G3BP2: variants seen among roughly 807,000 people sequenced by gnomAD.
G3BP2 encodes the protein ras GTPase-activating protein-binding protein 2.
Under a neutral mutation model 56.7 loss-of-function variants are expected in G3BP2, and 11 were observed. The observed-to-expected ratio is 0.19, with a 90% CI of 0.12 to 0.32. G3BP2 has a LOEUF of 0.32. Among genes scored for constraint, G3BP2 ranks in the 10% least tolerant of loss-of-function variants. G3BP2 has a pLI of 1.00. For synonymous variants in G3BP2, 165 were observed against 191.6 expected (o/e 0.86, Z 1.15); for missense variants, 340 against 610.9 (o/e 0.56, Z 4.67).
At chr4:75,680,628 C>T (rs1734034066) in intron 3 of G3BP2, among the ~76,000 whole-genome samples, 1 of 152,196 alleles carries the variant, frequency 6.6e-6, no homozygotes, top group African/African-American at 2.4e-5. Context: ...TTCCATTTCC[C>T]ACTCTCCTCT....
At chr4:75,657,481 T>A in intron 4 of G3BP2, 76 bp downstream of exon 4, 1 of 1,066,902 alleles carries the variant, frequency 9.4e-7, no homozygotes, top group Admixed American at 2.5e-5. Context: ...AATCTAAACC[T>A]ATTAGAAGAA....
intron 9 of G3BP2, among the ~76,000 whole-genome samples, chr4:75,647,497 T>TC (rs3841978): frequency 0.88 from 133,214 of 152,178 alleles, 58,327 homozygotes; most frequent in East Asian, 0.92. Context: ...GAGGTATAGC[T>TC]TACTAAATAT....
chr4:75,655,927 A>G, intron 5 of G3BP2, 57 bp from the exon 6 acceptor site: 1 of 914,758 alleles, frequency 1.1e-6, no homozygotes, highest in Middle Eastern at 2.2e-4. Flanking sequence ...TTTCTAACGG[A>G]CATATTTTTA....
chr4:75,717,566 T>C (rs997628178), intron 3 of G3BP2, among the ~76,000 whole-genome samples: 1 of 152,184 alleles, frequency 6.6e-6, no homozygotes, highest in African/African-American at 2.4e-5. Flanking sequence ...TACTCTAAAA[T>C]CATAGCTTGC....
chr4:75,673,432 C>T (rs999067666), upstream of G3BP2: 3 of 1,232,264 alleles, frequency 2.4e-6, no homozygotes, highest in African/African-American at 1.5e-5. Context: ...TTTGCCACCG[C>T]CCCCTCTTAT....
chr4:75,706,593 C>T (rs1238544431), intron 3 of G3BP2, among the ~76,000 whole-genome samples: 1 of 149,930 alleles, frequency 6.7e-6, no homozygotes, highest in Non-Finnish European at 1.5e-5. Flanking sequence ...AGTAGAATCG[C>T]TTGAACCTAG....
At chr4:75,712,820 T>C (rs1466563745) in intron 3 of G3BP2, among the ~76,000 whole-genome samples, 2 of 152,036 alleles carry the variant, frequency 1.3e-5, no homozygotes, top group Non-Finnish European at 2.9e-5. Context: ...GACCATTCCA[T>C]AAAGAGTTCT....
chr4:75,655,385 A>G, intron 6 of G3BP2, 139 bp from the exon 7 acceptor site: 1 of 659,934 alleles, frequency 1.5e-6, no homozygotes, highest in South Asian at 1.8e-5. Context: ...GCAAAATTCC[A>G]AAAAGAGCTA....
intron 3 of G3BP2, among the ~76,000 whole-genome samples, chr4:75,712,581 T>C (rs1393421201): frequency 6.6e-6 from 1 of 152,188 alleles, no homozygotes; most frequent in African/African-American, 2.4e-5. Context: ...ATACAACATA[T>C]GATTGTGTTT....
chr4:75,646,376 CA>C lies in G3BP2; in HGVS notation c.1137del (p.Phe379LeufsTer11). 2.5e-6 allele frequency: 4 copies of C among 1,597,170 alleles called. No individual in the cohort carries two copies. The highest frequency in any genetic ancestry group is 3.4e-6 in the Non-Finnish European group (4 of 1,170,486). ...ATTCTCTGAACTGGTTCAGAGTCAT[CA>C]AAAACCACAAAACCAAAATTTGGAA... ...GKLPNFGFVV[F>X]DDSEPVQRIL... On this transcript the variant is annotated frameshift_variant, in exon 11 of 12. Coordinates refer to ENST00000359707, the MANE Select transcript of G3BP2 (RefSeq NM_203505.3). LOFTEE classifies it high-confidence loss of function.
intron 9 of G3BP2, among the ~76,000 whole-genome samples, chr4:75,648,364 AC>A (rs1384026971): frequency 1.4e-3 from 44 of 31,672 alleles, no homozygotes; most frequent in South Asian, 6.3e-3. Context: ...AAACAAACAA[AC>A]AAAAAAAAAA....
intron 5 of G3BP2, 71 bp downstream of exon 5, chr4:75,656,853 A>T (rs1049540433): frequency 6.8e-6 from 5 of 730,526 alleles, no homozygotes; most frequent in Non-Finnish European, 1.2e-5. Context: ...TAGATGTCAT[A>T]CTTATAGAAA....
intron 2 of G3BP2, among the ~76,000 whole-genome samples, chr4:75,659,845 T>C (rs1732413721): frequency 6.6e-6 from 1 of 152,220 alleles, no homozygotes; most frequent in Non-Finnish European, 1.5e-5. Context: ...CCACTACTCT[T>C]ATCATTAAAC....
At chr4:75,673,155 A>G (rs1330881404) in intron 1 of G3BP2, 53 bp downstream of exon 1, 1 of 1,150,542 alleles carries the variant, frequency 8.7e-7, no homozygotes, top group Non-Finnish European at 1.1e-6. Context: ...GCGCGAATGG[A>G]ATGTCCCTTT....
At position 75,657,745 on chromosome 4, in the gene G3BP2, G is replaced by A. The variant is rs1732218185; in HGVS notation, c.178-15C>T. On this transcript the variant is annotated splice_polypyrimidine_tract_variant and intron_variant, in intron 3 of 11. Transcript: ENST00000359707. ...TGGTGTATATCCTTTATTAGGGAGGGAGGGAAAAATATAAACTCTGTGATA... is the reference window on the plus strand; with the variant it reads ...TGGTGTATATCCTTTATTAGGGAGGAAGGGAAAAATATAAACTCTGTGATA... 6.4e-7 allele frequency: 1 copy of A among 1,556,582 alleles called. No individual in the cohort carries two copies. Among genetic ancestry groups the A allele is most frequent in the Non-Finnish European group, 8.8e-7 (1 of 1,133,108 alleles).
At chr4:75,682,481 C>T (rs34434727) in intron 3 of G3BP2, among the ~76,000 whole-genome samples, 7,963 of 151,542 alleles carry the variant, frequency 0.053, 323 homozygotes, top group Admixed American at 0.088. Flanking sequence ...TTTTGGATAG[C>T]AGTTGAACAT....
chr4:75,680,933 A>G (rs544166998), intron 3 of G3BP2, among the ~76,000 whole-genome samples: 57 of 151,362 alleles, frequency 3.8e-4, no homozygotes, highest in Middle Eastern at 3.4e-3. Context: ...ATGCCGCTGC[A>G]TTCCACCCTG....
intron 8 of G3BP2, among the ~76,000 whole-genome samples, chr4:75,652,730 AC>A (rs1260028717): frequency 6.6e-6 from 1 of 152,134 alleles, no homozygotes; most frequent in African/African-American, 2.4e-5. Context: ...TCTGTGAGTT[AC>A]TCTAGACCTC....
intron 3 of G3BP2, among the ~76,000 whole-genome samples, chr4:75,698,285 C>A (rs1719205051): frequency 6.6e-6 from 1 of 152,084 alleles, no homozygotes. Context: ...GATATAATGA[C>A]ATCATGTTGG....
Sources: gnomAD v4.1 joint callset for allele counts (sites outside exome capture counted in the v4.1 genomes callset) on GRCh38, gnomAD v4.1.1 for gene constraint, MANE v1.5 for transcripts, NCBI Gene and HGNC (gene_info 2026-07-23, HGNC 2026-07-21) for gene names.